Variants in HMGCLL1 observed in about 807,000 individuals in gnomAD.
HMGCLL1 encodes 3-hydroxy-3-methylglutaryl-CoA lyase like 1.
A neutral mutation model predicts 39.1 loss-of-function variants in HMGCLL1; 36 were observed. The observed-to-expected ratio is 0.92, with a 90% CI of 0.71 to 1.22. The LOEUF (loss-of-function observed/expected upper bound fraction) is 1.22. Among genes scored for constraint, HMGCLL1 ranks in the 50% most tolerant of loss-of-function variants. HMGCLL1 has a pLI of 0.00. For missense variants in HMGCLL1, 451 were observed against 416.5 expected (o/e 1.08, Z -0.72); for synonymous variants, 149 against 144.0 (o/e 1.03, Z -0.25).
At chr6:55,578,860 G>T in intron 1 of HMGCLL1, 88 bp downstream of exon 1, 1 of 927,980 alleles carries the variant, frequency 1.1e-6, no homozygotes, top group Non-Finnish European at 1.7e-6. Context: ...TGACATAAAG[G>T]GAGGAGGGCA....
intron 7 of HMGCLL1, among the ~76,000 whole-genome samples, chr6:55,450,421 A>C (rs1764031129): frequency 6.6e-6 from 1 of 152,344 alleles, no homozygotes; most frequent in African/African-American, 2.4e-5. Flanking sequence ...TGATTTTGAT[A>C]ATGTTTGTTC....
chr6:55,604,404 A>T, the HMGCLL1 span, among the ~76,000 whole-genome samples: 3 of 152,152 alleles, frequency 2.0e-5, no homozygotes, highest in Non-Finnish European at 2.9e-5. Flanking sequence ...CTTAATATTG[A>T]ATTTATATTT....
chr6:55,648,944 G>A, the HMGCLL1 span, among the ~76,000 whole-genome samples: 1 of 150,496 alleles, frequency 6.6e-6, no homozygotes, highest in African/African-American at 2.4e-5. Context: ...TATCCTTGAT[G>A]AACATTGATG....
the HMGCLL1 span, among the ~76,000 whole-genome samples, chr6:55,643,130 G>T: frequency 6.6e-6 from 1 of 152,132 alleles, no homozygotes; most frequent in South Asian, 2.1e-4. Flanking sequence ...ATGAAAGAAT[G>T]ATTTATATTT....
chr6:55,450,249 G>T (rs1003013429), intron 7 of HMGCLL1, among the ~76,000 whole-genome samples: 4 of 152,184 alleles, frequency 2.6e-5, no homozygotes, highest in Non-Finnish European at 4.4e-5. Flanking sequence ...CTGGATTTAT[G>T]CCATTGACAA....
upstream of HMGCLL1, among the ~76,000 whole-genome samples, chr6:55,584,061 T>C (rs1772029203): frequency 1.3e-5 from 2 of 152,136 alleles, no homozygotes; most frequent in South Asian, 4.1e-4. Context: ...CTCTTCCATT[T>C]GGTGCTTAAG....
chr6:55,532,364 T>G (rs1011563920), intron 3 of HMGCLL1, among the ~76,000 whole-genome samples: 1 of 152,204 alleles, frequency 6.6e-6, no homozygotes, highest in African/African-American at 2.4e-5. Context: ...TTATAAATTT[T>G]GCTTTTTCTT....
chr6:55,563,434 A>T (rs1172311805), intron 1 of HMGCLL1, among the ~76,000 whole-genome samples: 1 of 152,150 alleles, frequency 6.6e-6, no homozygotes, highest in South Asian at 2.1e-4. Flanking sequence ...TTTCTACTGT[A>T]TATGGAAATT....
the HMGCLL1 span, among the ~76,000 whole-genome samples, chr6:55,597,537 A>G: frequency 6.6e-6 from 1 of 151,966 alleles, no homozygotes; most frequent in Non-Finnish European, 1.5e-5. Context: ...GAAGGAAAAA[A>G]AAGAGGTTGT....
chr6:55,658,703 T>C, the HMGCLL1 span, among the ~76,000 whole-genome samples: 5 of 151,958 alleles, frequency 3.3e-5, no homozygotes, highest in East Asian at 1.9e-4. Flanking sequence ...ACAAATACTT[T>C]TGTTAGGTAT....
In HMGCLL1 at chr6:55,499,301, T is replaced by C. The variant is rs760233538; in HGVS notation, c.543-2A>G. ...CAGCCCAGAGCACAAGACACATACCTAAATTAAAAATACAGCCTTATAAAT... is the reference window on the plus strand; with the variant it reads ...CAGCCCAGAGCACAAGACACATACCCAAATTAAAAATACAGCCTTATAAAT... On this transcript the variant is annotated splice_acceptor_variant, in intron 5 of 8. Transcript: ENST00000274901. LOFTEE classifies it high-confidence loss of function. 1 of 1,591,136 alleles carries C rather than the reference T, an allele frequency of 6.3e-7. No homozygotes were observed. Among genetic ancestry groups the C allele is most frequent in the South Asian group, 1.2e-5 (1 of 86,206 alleles).
intron 7 of HMGCLL1, among the ~76,000 whole-genome samples, chr6:55,453,857 C>T (rs538952028): frequency 3.5e-4 from 53 of 152,124 alleles, no homozygotes; most frequent in Non-Finnish European, 6.9e-4. Context: ...GAAAGAAATA[C>T]CATTAACAAA....
chr6:55,477,648 T>C (rs1253757113), intron 7 of HMGCLL1, among the ~76,000 whole-genome samples: 1 of 146,896 alleles, frequency 6.8e-6, no homozygotes, highest in Non-Finnish European at 1.5e-5. Flanking sequence ...TGAGTTACAG[T>C]TTATATATGT....
chr6:55,607,953 G>T, the HMGCLL1 span, among the ~76,000 whole-genome samples: 3 of 152,030 alleles, frequency 2.0e-5, no homozygotes, highest in African/African-American at 7.2e-5. Context: ...AAAACCCTTT[G>T]ATTCTTCTCT....
intron 5 of HMGCLL1, among the ~76,000 whole-genome samples, chr6:55,504,277 C>T (rs1408371679): frequency 2.0e-5 from 3 of 151,810 alleles, no homozygotes; most frequent in Admixed American, 6.6e-5. Context: ...TGTTTCCATA[C>T]ATTCATATAT....
chr6:55,483,811 T>C (rs1308291389), intron 7 of HMGCLL1, among the ~76,000 whole-genome samples: 1 of 152,212 alleles, frequency 6.6e-6, no homozygotes, highest in Admixed American at 6.5e-5. Flanking sequence ...CAAAAATTAC[T>C]TCATGGGATT....
chr6:55,523,062 AG>A, intron 3 of HMGCLL1, among the ~76,000 whole-genome samples: 1 of 152,064 alleles, frequency 6.6e-6, no homozygotes, highest in African/African-American at 2.4e-5. Context: ...ACCTAAATAT[AG>A]GACTCTATAT....
chr6:55,655,264 G>A, the HMGCLL1 span, among the ~76,000 whole-genome samples: 1 of 151,702 alleles, frequency 6.6e-6, no homozygotes, highest in Non-Finnish European at 1.5e-5. Flanking sequence ...ATCTACCAGT[G>A]AAAAATTACA....
chr6:55,605,766 TG>T, the HMGCLL1 span, among the ~76,000 whole-genome samples: 2 of 152,168 alleles, frequency 1.3e-5, no homozygotes, highest in East Asian at 3.9e-4. Flanking sequence ...GTATTACCAC[TG>T]CATCAACTCT....
Sources: gnomAD v4.1 joint callset for allele counts (sites outside exome capture counted in the v4.1 genomes callset) on GRCh38, gnomAD v4.1.1 for gene constraint, MANE v1.5 for transcripts, NCBI Gene and HGNC (gene_info 2026-07-23, HGNC 2026-07-21) for gene names.